Variants in GPC5 observed in about 807,000 individuals in gnomAD.
GPC5 encodes glypican 5, also known as glypican-5.
GPC5 carries 47 observed loss-of-function variants against 53.9 expected under a neutral mutation model. The observed-to-expected ratio is 0.87, with a 90% confidence interval of 0.69 to 1.11. The LOEUF is 1.11. Among genes scored for constraint, GPC5 ranks in the 50% most tolerant of loss-of-function variants. The pLI, the probability that GPC5 is intolerant of heterozygous loss-of-function variation, is 0.00. For synonymous variants in GPC5, 286 were observed against 263.3 expected (o/e 1.09, Z -0.84); for missense variants, 748 against 713.1 (o/e 1.05, Z -0.56).
intron 7 of GPC5, among the ~76,000 whole-genome samples, chr13:92,604,943 G>A (rs1884202665): frequency 6.6e-6 from 1 of 152,172 alleles, no homozygotes; most frequent in Admixed American, 6.5e-5. Context: ...CTTCATTAAG[G>A]AATTTGAGGG....
intron 7 of GPC5, among the ~76,000 whole-genome samples, chr13:92,589,155 A>T (rs1206410720): frequency 6.6e-6 from 1 of 152,196 alleles, no homozygotes; most frequent in East Asian, 1.9e-4. Flanking sequence ...GTAAATTAGC[A>T]CTAACGATGT....
intron 7 of GPC5, among the ~76,000 whole-genome samples, chr13:92,701,992 A>T (rs1887760154): frequency 6.6e-6 from 1 of 151,978 alleles, no homozygotes; most frequent in African/African-American, 2.4e-5. Flanking sequence ...AACCCCTGTC[A>T]TTTCAAAGAT....
At chr13:91,796,341 G>A (rs529744641) in intron 5 of GPC5, among the ~76,000 whole-genome samples, 2 of 152,310 alleles carry the variant, frequency 1.3e-5, no homozygotes, top group East Asian at 3.9e-4. Flanking sequence ...AGGGTTGGAA[G>A]TCAAAATGGC....
At chr13:91,572,513 G>C (rs923346878) in intron 2 of GPC5, among the ~76,000 whole-genome samples, 5 of 152,030 alleles carry the variant, frequency 3.3e-5, no homozygotes, top group Non-Finnish European at 7.4e-5. Context: ...ACAGCAAAGG[G>C]GGAGCCATTG....
At chr13:92,289,888 T>C (rs977151197) in intron 7 of GPC5, among the ~76,000 whole-genome samples, 2 of 152,132 alleles carry the variant, frequency 1.3e-5, no homozygotes, top group Non-Finnish European at 2.9e-5. Flanking sequence ...TGAAGTATTT[T>C]TCAAAGAGAC....
At chr13:92,657,931 A>G (rs925195195) in intron 7 of GPC5, among the ~76,000 whole-genome samples, 1 of 152,120 alleles carries the variant, frequency 6.6e-6, no homozygotes, top group African/African-American at 2.4e-5. Context: ...TGCAACTGGT[A>G]TGAATCATAC....
chr13:92,268,800 A>G (rs1160078044), intron 7 of GPC5, among the ~76,000 whole-genome samples: 1 of 152,132 alleles, frequency 6.6e-6, no homozygotes, highest in Non-Finnish European at 1.5e-5. Context: ...AATAAAATGT[A>G]TGTGAATACT....
chr13:91,539,800 GC>G (rs1358925320), intron 2 of GPC5, among the ~76,000 whole-genome samples: 1 of 151,682 alleles, frequency 6.6e-6, no homozygotes, highest in Non-Finnish European at 1.5e-5. Context: ...GTGTCAAATA[GC>G]AACAATATAT....
chr13:92,221,249 G>A (rs895445600), intron 7 of GPC5, among the ~76,000 whole-genome samples: 6 of 152,104 alleles, frequency 3.9e-5, no homozygotes, highest in African/African-American at 9.7e-5. Context: ...TTCTTAGAAT[G>A]TTTCCATTAT....
At position 92,363,380 on chromosome 13, in the gene GPC5, G is replaced by T. The variant is rs140750278; in HGVS notation, c.1561+218391G>T. 1.1e-3 allele frequency among the ~76,000 whole-genome samples: 172 copies of T among 151,754 alleles called. 9 individuals carry two copies. The highest frequency in any genetic ancestry group is 4.0e-3 in the African/African-American group (164 of 41,050). On this transcript the variant is annotated intron_variant, in intron 7 of 7. Coordinates refer to ENST00000377067, the MANE Select transcript of GPC5 (RefSeq NM_004466.6). The stretch of plus-strand genomic sequence containing the variant: ...CGGTTTTGTGGAAGACAAATTTTCT[G>T]CAGGACGGAGGGTAGAGGGAGGGAT...
chr13:92,018,894 A>G (rs1444830225), intron 6 of GPC5, among the ~76,000 whole-genome samples: 2 of 152,116 alleles, frequency 1.3e-5, no homozygotes, highest in Non-Finnish European at 2.9e-5. Flanking sequence ...AAGGATGCAG[A>G]GCAAACTTTG....
In GPC5 at chr13:91,448,838, G is replaced by C. The variant is rs747208506; in HGVS notation, c.241G>C (p.Ala81Pro). 6.2e-7 allele frequency: 1 copy of C among 1,613,584 alleles called. No individual in the cohort carries two copies. The highest frequency in any genetic ancestry group is 1.7e-5 in the Admixed American group (1 of 59,922). The change falls in exon 2 of 8, where the codon GCT becomes CCT. Residue 81 changes from alanine (A) to proline (P), a missense_variant. Transcript: ENST00000377067. ...GATGGAGGAGAGATATCAGATTGCG[G>C]CTCGCCAGGATATGCAGCAGTTTCT... is the stretch of plus-strand genomic sequence containing the variant. ...RKMEERYQIA[A>P]RQDMQQFLQT...
intron 2 of GPC5, among the ~76,000 whole-genome samples, chr13:91,578,781 C>T (rs774700258): frequency 2.0e-5 from 3 of 151,924 alleles, no homozygotes; most frequent in Non-Finnish European, 2.9e-5. Context: ...TGCGGTGGCT[C>T]GTGCCTGTAA....
intron 1 of GPC5, among the ~76,000 whole-genome samples, chr13:91,402,025 C>T (rs911688724): frequency 6.6e-6 from 1 of 152,092 alleles, no homozygotes; most frequent in Non-Finnish European, 1.5e-5. Context: ...AAGGTCTTTT[C>T]ATTTTTATTT....
At chr13:92,822,821 C>T (rs1451517586) in intron 7 of GPC5, among the ~76,000 whole-genome samples, 2 of 152,056 alleles carry the variant, frequency 1.3e-5, no homozygotes, top group East Asian at 1.9e-4. Context: ...ATTTTGAAAG[C>T]AATGTAAAAC....
chr13:91,629,307 T>A (rs2034093949), intron 2 of GPC5, among the ~76,000 whole-genome samples: 1 of 152,118 alleles, frequency 6.6e-6, no homozygotes, highest in Non-Finnish European at 1.5e-5. Flanking sequence ...AAAAGCTGAA[T>A]GAATTTGAGA....
intron 2 of GPC5, among the ~76,000 whole-genome samples, chr13:91,613,231 T>G (rs891467536): frequency 6.6e-6 from 1 of 152,206 alleles, no homozygotes; most frequent in Non-Finnish European, 1.5e-5. Flanking sequence ...AGAGTTTTAA[T>G]GGACTTACAG....
intron 2 of GPC5, among the ~76,000 whole-genome samples, chr13:91,643,184 A>G (rs1265002935): frequency 6.6e-6 from 1 of 152,214 alleles, no homozygotes; most frequent in African/African-American, 2.4e-5. Flanking sequence ...AAAGTTGTAC[A>G]TTATAGGGTG....
At chr13:91,934,224 T>A (rs969718329) in intron 6 of GPC5, among the ~76,000 whole-genome samples, 1 of 151,788 alleles carries the variant, frequency 6.6e-6, no homozygotes, top group African/African-American at 2.4e-5. Context: ...AAAAGAGAGG[T>A]TGGCAATGAT....
Sources: gnomAD v4.1 joint callset for allele counts (sites outside exome capture counted in the v4.1 genomes callset) on GRCh38, gnomAD v4.1.1 for gene constraint, MANE v1.5 for transcripts, NCBI Gene and HGNC (gene_info 2026-07-23, HGNC 2026-07-21) for gene names.